CHIC1: variants seen among roughly 807,000 people sequenced by gnomAD.
CHIC1 encodes cysteine rich hydrophobic domain 1.
In CHIC1, 7 loss-of-function variants were observed where a neutral mutation model predicts 18.5. The ratio of observed to expected loss-of-function variants is 0.38; its 90% CI spans 0.22 to 0.71. CHIC1 has a LOEUF of 0.71. Ranked by LOEUF, CHIC1 falls within the 30% of genes least tolerant of loss-of-function variation. CHIC1 has a pLI of 0.49. For missense variants in CHIC1, 159 were observed against 176.9 expected (o/e 0.90, Z 0.57); for synonymous variants, 77 against 73.5 (o/e 1.05, Z -0.25).
At chrX:73,643,762 C>T (rs960127290) in intron 3 of CHIC1, among the ~76,000 whole-genome samples, 3 of 111,488 alleles carry the variant, frequency 2.7e-5, no homozygotes, top group Non-Finnish European at 5.7e-5. Context: ...TCTTGGTATC[C>T]ATTCATCTAA....
chrX:73,623,332 G>T (rs1045609651), intron 3 of CHIC1, among the ~76,000 whole-genome samples: 9 of 110,522 alleles, frequency 8.1e-5, no homozygotes, highest in African/African-American at 3.0e-4. Context: ...CTCTTTCTAG[G>T]TCTCTAAGAA....
At chrX:73,671,160 TCTC>T (rs1268350750) in intron 3 of CHIC1, among the ~76,000 whole-genome samples, 4 of 111,958 alleles carry the variant, frequency 3.6e-5, no homozygotes, top group South Asian at 7.5e-4. Context: ...TGCTGAGAAA[TCTC>T]CTGTTAGTTG....
At chrX:73,646,384 T>A (rs1279602967) in intron 3 of CHIC1, among the ~76,000 whole-genome samples, 1 of 112,515 alleles carries the variant, frequency 8.9e-6, no homozygotes, top group Non-Finnish European at 1.9e-5. Context: ...CTATTTGCAA[T>A]CTTTTGTGGT....
chrX:73,574,262 TCCCAGG>T (rs2057485707), intron 1 of CHIC1, among the ~76,000 whole-genome samples: 2 of 111,187 alleles, frequency 1.8e-5, no homozygotes, highest in Non-Finnish European at 3.8e-5. Context: ...CAACCTTGCA[TCCCAGG>T]AATAAAGGCT....
chrX:73,670,955 G>A (rs1313144642), intron 3 of CHIC1, among the ~76,000 whole-genome samples: 1 of 112,039 alleles, frequency 8.9e-6, no homozygotes, highest in Non-Finnish European at 1.9e-5. Context: ...AATGTTCCAT[G>A]TGCTGATGAG....
intron 3 of CHIC1, among the ~76,000 whole-genome samples, chrX:73,648,043 C>T (rs1032655949): frequency 9.0e-6 from 1 of 111,411 alleles, no homozygotes; most frequent in Non-Finnish European, 1.9e-5. Flanking sequence ...CTCCAGCCTC[C>T]AGGTGTGGAA....
intron 3 of CHIC1, among the ~76,000 whole-genome samples, chrX:73,651,441 C>T (rs1361716501): frequency 1.8e-5 from 2 of 111,221 alleles, no homozygotes; most frequent in East Asian, 5.6e-4. Context: ...GTCAAACTGT[C>T]TCTGTTTGCA....
In CHIC1 at chrX:73,577,447, G is replaced by A. The variant is rs373733681; in HGVS notation, c.337G>A (p.Val113Ile). 6.8e-5 allele frequency: 81 copies of A among 1,188,524 alleles called. No homozygotes were observed. The highest frequency in any genetic ancestry group is 3.0e-4 in the East Asian group (10 of 33,551). The change falls in exon 2 of 6, where the codon GTT becomes ATT. Residue 113 changes from valine (V) to isoleucine (I), a missense_variant. Physicochemically the swap from Val to Ile is conservative, Grantham distance 29. Coordinates refer to ENST00000373502, the MANE Select transcript of CHIC1 (RefSeq NM_001039840.4). ...CAAGTTTGATACTGAATTTCCCTCC[G>A]TTCTAACAGGGAAGGTAAGTGAGAA... ...SNKFDTEFPS[V>I]LTGKVAPEEF...
chrX:73,648,650 T>C (rs921018663), intron 3 of CHIC1, among the ~76,000 whole-genome samples: 3 of 110,909 alleles, frequency 2.7e-5, no homozygotes. Context: ...AAAAAGGGCA[T>C]GCATACAAAA....
Position 73,646,464 on chromosome X carries a change from G to T in CHIC1, c.508-32862G>T, listed in dbSNP as rs778754818. On this transcript the variant is annotated intron_variant, in intron 3 of 5. Transcript: ENST00000373502. ...TAAAATTGGAATTTTCATAGGAATT[G>T]CACAAACACAAAATATCCTTCCATT... 5.4e-5 allele frequency among the ~76,000 whole-genome samples: 6 copies of T among 111,910 alleles called. No individual in the cohort carries two copies. The East Asian group carries it at 1.4e-3, about 26-fold the overall frequency.
chrX:73,652,482 A>G (rs1166251253), intron 3 of CHIC1, among the ~76,000 whole-genome samples: 1 of 112,218 alleles, frequency 8.9e-6, no homozygotes, highest in Non-Finnish European at 1.9e-5. Context: ...TTTGCAGTCT[A>G]CCCACCTGAC....
intron 3 of CHIC1, among the ~76,000 whole-genome samples, chrX:73,597,761 C>G (rs781704893): frequency 1.0e-3 from 113 of 109,255 alleles, no homozygotes; most frequent in African/African-American, 3.7e-3. Flanking sequence ...CTAATGCTAT[C>G]CCTCCCCTAG....
intron 3 of CHIC1, among the ~76,000 whole-genome samples, chrX:73,607,955 T>C (rs2057690873): frequency 9.2e-6 from 1 of 109,194 alleles, no homozygotes; most frequent in Non-Finnish European, 1.9e-5. Flanking sequence ...AGCTACTCCT[T>C]AAGACATCAT....
At chrX:73,674,788 G>A (rs1356002264) in intron 3 of CHIC1, among the ~76,000 whole-genome samples, 3 of 108,422 alleles carry the variant, frequency 2.8e-5, no homozygotes, top group Non-Finnish European at 5.7e-5. Flanking sequence ...TTTTGAATGT[G>A]TTTGCTCTTG....
chrX:73,678,970 C>A (rs1332345671), intron 3 of CHIC1, among the ~76,000 whole-genome samples: 16 of 111,795 alleles, frequency 1.4e-4, no homozygotes, highest in Non-Finnish European at 3.0e-4. Context: ...ATGTGAAAAT[C>A]TAGATTAAAT....
intron 4 of CHIC1, 67 bp downstream of exon 4, chrX:73,679,449 C>T: frequency 1.3e-6 from 1 of 785,448 alleles, no homozygotes; most frequent in Non-Finnish European, 1.9e-6. Flanking sequence ...AAAATAAATA[C>T]AAAATGGGAA....
chrX:73,661,086 G>C (rs909470155), intron 3 of CHIC1, among the ~76,000 whole-genome samples: 1 of 111,586 alleles, frequency 9.0e-6, no homozygotes, highest in Admixed American at 9.5e-5. Flanking sequence ...CAGGATGCTT[G>C]TGGAATGTTG....
intron 1 of CHIC1, among the ~76,000 whole-genome samples, chrX:73,568,671 G>T (rs2147536379): frequency 9.0e-6 from 1 of 111,235 alleles, no homozygotes; most frequent in East Asian, 2.8e-4. Context: ...ACTTAAAATA[G>T]ATAGATGTTT....
chrX:73,618,276 A>G (rs1471037043), intron 3 of CHIC1, among the ~76,000 whole-genome samples: 2 of 111,792 alleles, frequency 1.8e-5, no homozygotes, highest in Non-Finnish European at 3.8e-5. Context: ...GGCACTTTCA[A>G]TAGAGCATCA....
Sources: gnomAD v4.1 joint callset for allele counts (sites outside exome capture counted in the v4.1 genomes callset) on GRCh38, gnomAD v4.1.1 for gene constraint, MANE v1.5 for transcripts, NCBI Gene and HGNC (gene_info 2026-07-23, HGNC 2026-07-21) for gene names.